Variants in C1QTNF3 observed in about 807,000 individuals in gnomAD.
C1QTNF3 encodes the protein complement C1q tumor necrosis factor-related protein 3.
A neutral mutation model predicts 32.6 loss-of-function variants in C1QTNF3; 26 were observed. That is an observed-to-expected ratio of 0.80 (90% CI 0.58 to 1.11). The LOEUF (loss-of-function observed/expected upper bound fraction) is 1.11. C1QTNF3 is among the 50% of genes least tolerant of loss of function. The pLI, the probability that C1QTNF3 is intolerant of heterozygous loss-of-function variation, is 0.00. For missense variants in C1QTNF3, 362 were observed against 398.2 expected (o/e 0.91, Z 0.77); for synonymous variants, 155 against 146.0 (o/e 1.06, Z -0.44).
At chr5:34,185,359 C>CAAA in the C1QTNF3 span, among the ~76,000 whole-genome samples, 14 of 150,248 alleles carry the variant, frequency 9.3e-5, no homozygotes, top group African/African-American at 3.4e-4. Context: ...GACTCTATCT[C>CAAA]AAAAAAAATA....
chr5:34,055,904 G>A, the C1QTNF3 span, among the ~76,000 whole-genome samples: 1 of 152,168 alleles, frequency 6.6e-6, no homozygotes, highest in African/African-American at 2.4e-5. Flanking sequence ...TCAGCCTCGG[G>A]GAAATACGGT....
chr5:34,157,302 T>C, the C1QTNF3 span, among the ~76,000 whole-genome samples: 3 of 152,192 alleles, frequency 2.0e-5, no homozygotes, highest in African/African-American at 7.2e-5. Flanking sequence ...TACCAAACTT[T>C]CCTAATCATG....
the C1QTNF3 span, among the ~76,000 whole-genome samples, chr5:34,221,945 G>C: frequency 6.6e-6 from 1 of 151,990 alleles, no homozygotes; most frequent in Non-Finnish European, 1.5e-5. Context: ...TAGGGGCTGA[G>C]GAATAGCAGC....
chr5:34,200,855 T>C, the C1QTNF3 span: 2 of 152,118 alleles, frequency 1.3e-5, no homozygotes, highest in Non-Finnish European at 2.9e-5. Flanking sequence ...GGATTGTTAT[T>C]GCAAATCCAT....
chr5:34,020,663 G>T lies in C1QTNF3; in HGVS notation c.880C>A (p.Arg294=). The change falls in exon 6 of 6, where the codon CGA becomes AGA. Residue 294 remains arginine, a synonymous_variant. Transcript: ENST00000382065. ...CCATGGAGAGCGCCATTGCCCATTC[G>T]CAGCCAAACCTCATCCCCTTTGGCT... ...KLAKGDEVWL[R]MGNGALHGDH... is the part of the protein sequence containing the mutation. 6.2e-7 allele frequency: 1 copy of T among 1,614,198 alleles called. No individual in the cohort carries two copies. The highest frequency in any genetic ancestry group is 8.5e-7 in the Non-Finnish European group (1 of 1,180,030).
chr5:34,204,362 A>G, the C1QTNF3 span, among the ~76,000 whole-genome samples: 1 of 152,266 alleles, frequency 6.6e-6, no homozygotes, highest in African/African-American at 2.4e-5. Flanking sequence ...CTCAGTGGAT[A>G]ATTAGATTAA....
At chr5:34,054,836 C>T in the C1QTNF3 span, among the ~76,000 whole-genome samples, 1 of 152,292 alleles carries the variant, frequency 6.6e-6, no homozygotes, top group Non-Finnish European at 1.5e-5. Context: ...ATCATCTCCT[C>T]CATCTCCCCC....
the C1QTNF3 span, among the ~76,000 whole-genome samples, chr5:34,103,939 T>C: frequency 2.3e-4 from 35 of 152,044 alleles, no homozygotes; most frequent in East Asian, 5.0e-3. Flanking sequence ...CAGATATTTT[T>C]CTATTAAAAG....
the C1QTNF3 span, among the ~76,000 whole-genome samples, chr5:34,202,218 G>A: frequency 6.6e-6 from 1 of 151,776 alleles, no homozygotes; most frequent in African/African-American, 2.4e-5. Context: ...CGAAAGTTGA[G>A]GAAACCTGTC....
the C1QTNF3 span, among the ~76,000 whole-genome samples, chr5:34,070,443 TTAATA>T: frequency 6.6e-6 from 1 of 152,310 alleles, no homozygotes; most frequent in East Asian, 1.9e-4. Flanking sequence ...TATGACATAT[TTAATA>T]TAATAAATAC....
At chr5:34,204,099 C>A in the C1QTNF3 span, among the ~76,000 whole-genome samples, 239 of 152,058 alleles carry the variant, frequency 1.6e-3, 1 homozygote, top group African/African-American at 5.5e-3. Flanking sequence ...TCACTCACAG[C>A]ATTAAATGTT....
the C1QTNF3 span, among the ~76,000 whole-genome samples, chr5:34,118,035 T>C: frequency 3.9e-5 from 6 of 152,292 alleles, no homozygotes; most frequent in Non-Finnish European, 7.4e-5. Flanking sequence ...TTATATTTTA[T>C]AGTGATCTGC....
chr5:34,071,702 C>T, the C1QTNF3 span, among the ~76,000 whole-genome samples: 1 of 152,128 alleles, frequency 6.6e-6, no homozygotes, highest in East Asian at 1.9e-4. Context: ...GCCAGGGGTG[C>T]TCTAATCTAT....
intron 5 of C1QTNF3, among the ~76,000 whole-genome samples, chr5:34,020,953 G>T (rs1046544067): frequency 6.6e-6 from 1 of 152,168 alleles, no homozygotes; most frequent in Non-Finnish European, 1.5e-5. Context: ...TCTTATGACT[G>T]TCTGGAATGT....
chr5:34,028,771 A>G lies in C1QTNF3; in HGVS notation c.683T>C (p.Phe228Ser), dbSNP rs1440253170. 6.2e-7 allele frequency: 1 copy of G among 1,608,240 alleles called. No individual in the cohort carries two copies. The highest frequency in any genetic ancestry group is 2.2e-5 in the East Asian group (1 of 44,586). ...GNFFDVMTGR[F>S]GAPVSGVYFF... The stretch of plus-strand genomic sequence containing the variant: ...CATCTCACCTGATACTGGGGCCCCA[A>G]ATCTACCAGTCATGACATCAAAGAA... The change falls in exon 4 of 6, where the codon TTT becomes TCT. Residue 228 changes from phenylalanine to serine, a missense_variant. Transcript: ENST00000382065.
Position 34,018,862 on chromosome 5 carries a change from C to T in C1QTNF3, c.*1721G>A, listed in dbSNP as rs1754257603. Among the ~76,000 whole-genome samples, 1 of 152,200 alleles carries T rather than the reference C, an allele frequency of 6.6e-6. No homozygotes were observed. The highest frequency in any genetic ancestry group is 1.5e-5 in the Non-Finnish European group (1 of 68,030). On this transcript the variant is annotated 3_prime_UTR_variant, in exon 6 of 6. Coordinates refer to ENST00000382065, the MANE Select transcript of C1QTNF3 (RefSeq NM_181435.6). ...GAATTTGCGGCTGGGTGCGGGGGCT[C>T]ACGCCTGTAATCCCAGCACTTTGGA... is the stretch of plus-strand genomic sequence containing the variant.
the C1QTNF3 span, among the ~76,000 whole-genome samples, chr5:34,078,778 C>T: frequency 6.6e-6 from 1 of 151,574 alleles, no homozygotes; most frequent in African/African-American, 2.4e-5. The surrounding 1 kb of genome is among the most constrained non-coding windows in gnomAD (Gnocchi z 4.0). Flanking sequence ...TGCCTTCCAC[C>T]ACCAGCTATC....
chr5:34,028,157 A>C (rs1754522699), intron 4 of C1QTNF3, among the ~76,000 whole-genome samples: 1 of 152,186 alleles, frequency 6.6e-6, no homozygotes, highest in Non-Finnish European at 1.5e-5. Flanking sequence ...TATTTTTAGT[A>C]AAGACGGGGT....
At chr5:34,242,840 A>G in the C1QTNF3 span, among the ~76,000 whole-genome samples, 2 of 150,140 alleles carry the variant, frequency 1.3e-5, no homozygotes, top group East Asian at 1.9e-4. Context: ...AAAAGGGCAA[A>G]GCTAATACAG....
Sources: allele counts gnomAD v4.1 joint callset (sites outside exome capture counted in the v4.1 genomes callset), GRCh38; gene constraint gnomAD v4.1.1; non-coding constraint Gnocchi (gnomAD v3.1); transcripts MANE v1.5; gene names NCBI Gene and HGNC (gene_info 2026-07-23, HGNC 2026-07-21).